Variants in CYLD observed in about 807,000 individuals in gnomAD.
The protein encoded by CYLD is CYLD lysine 63 deubiquitinase.
CYLD carries 26 observed loss-of-function variants against 104.5 expected under a neutral mutation model. The ratio of observed to expected loss-of-function variants is 0.25; its 90% CI spans 0.18 to 0.35. The LOEUF is 0.35. CYLD is among the 10% of genes least tolerant of loss of function. The probability of loss-of-function intolerance (pLI) is 1.00; values close to 1 mark genes in which losing one functional copy is unlikely to be tolerated. For missense variants in CYLD, 703 were observed against 1,136.1 expected (o/e 0.62, Z 5.48); for synonymous variants, 385 against 399.9 (o/e 0.96, Z 0.45).
intron 14 of CYLD, 93 bp downstream of exon 14, chr16:50,787,945 C>T: frequency 1.3e-6 from 1 of 774,986 alleles, no homozygotes; most frequent in Non-Finnish European, 2.2e-6. Flanking sequence ...AGAATGATTT[C>T]TTAATATTGT....
chr16:50,778,517 A>AGAT (rs750274147), intron 8 of CYLD, among the ~76,000 whole-genome samples: 7 of 152,216 alleles, frequency 4.6e-5, no homozygotes, highest in Non-Finnish European at 7.3e-5. Flanking sequence ...AATACACCAA[A>AGAT]GATGATTTTT....
chr16:50,775,480 G>T (rs1189988285), intron 6 of CYLD, among the ~76,000 whole-genome samples: 1 of 152,016 alleles, frequency 6.6e-6, no homozygotes, highest in Non-Finnish European at 1.5e-5. Flanking sequence ...ATATGTATAA[G>T]TGTTTGTATA....
In CYLD at chr16:50,751,609, A is replaced by G. The variant is rs1292033594; in HGVS notation, c.510A>G (p.Glu170=). 2 of 1,613,444 alleles carry G rather than the reference A, an allele frequency of 1.2e-6. No individual in the cohort carries two copies. Among genetic ancestry groups the G allele is most frequent in the Admixed American group, 1.7e-5 (1 of 59,982 alleles). ...GIFFGVELLE[E]GRGQGFTDGV... ...CCTTCTCTCTTAAAAACTAGGAAGA[A>G]GGTCGTGGTCAAGGTTTCACTGACG... The change falls in exon 4 of 19, where the codon GAA becomes GAG. Residue 170 remains glutamate (E), a synonymous_variant. Coordinates refer to ENST00000427738, the MANE Select transcript of CYLD (RefSeq NM_001378743.1).
Position 50,742,812 on chromosome 16 carries a change from T to G in CYLD, c.-153T>G, listed in dbSNP as rs970729904. The G allele has an allele frequency of 1.8e-5, 7 of 397,884 alleles. No individual in the cohort carries two copies. The highest frequency in any genetic ancestry group is 3.1e-5 in the Non-Finnish European group (7 of 225,856). The allele number at this position is 397,884 out of a possible 1,614,324, so 24.6% of individuals were successfully genotyped here. A position where few individuals can be genotyped will look rare whatever the true frequency, so the allele number is the denominator to read the frequency against. ...GTTCTACACAGCCACCCGGAGTTCC[T>G]TAGTTGAAAGGTGCGCCCTGCTGTG... On this transcript the variant is annotated 5_prime_UTR_variant, in exon 2 of 19. Coordinates refer to ENST00000427738, the MANE Select transcript of CYLD (RefSeq NM_001378743.1).
rs188392607 is a variant in CYLD at position 50,800,264 on chromosome 16, A to G, written c.*3756A>G. The stretch of plus-strand genomic sequence containing the variant: ...CGACTGTTCAGGAAGAGGCCTAGGA[A>G]ATCTGTGAGGGAATCCCCAGGGGAA... On this transcript the variant is annotated 3_prime_UTR_variant, in exon 19 of 19. Coordinates refer to ENST00000427738, the MANE Select transcript of CYLD (RefSeq NM_001378743.1). 27 of 233,382 alleles carry G rather than the reference A, an allele frequency of 1.2e-4. 1 individual carries two copies. The highest frequency in any genetic ancestry group is 5.7e-4 in the African/African-American group (26 of 45,488). The allele number at this position is 233,382 out of a possible 1,614,324, so 14.5% of individuals were successfully genotyped here.
intron 2 of CYLD, among the ~76,000 whole-genome samples, chr16:50,744,193 CT>C (rs879383679): frequency 2.5e-3 from 355 of 143,090 alleles, no homozygotes; most frequent in Middle Eastern, 7.4e-3. Context: ...CTCTTCTTTT[CT>C]TTTTTTTTTT....
Position 50,754,378 on chromosome 16 carries a change from G to C in CYLD, c.867G>C (p.Ala289=), listed in dbSNP as rs778051762. The C allele has an allele frequency of 5.6e-6, 9 of 1,613,344 alleles. No homozygotes were observed. Residue 289 remains alanine, a synonymous_variant, in exon 5 of 19, where the codon GCG becomes GCC. Coordinates refer to ENST00000427738, the MANE Select transcript of CYLD (RefSeq NM_001378743.1). ...RFDGVQLCSF[A]CVESTILLHI... ...ATGGAGTGCAGCTTTGTAGTTTTGC[G>C]TGTGTTGAAAGTACAATTCTATTGC...
Position 50,794,372 on chromosome 16 carries a change from A to G in CYLD, c.2630A>G (p.Lys877Arg). Residue 877 changes from lysine (K) to arginine (R), a missense_variant, in exon 18 of 19, where the codon AAG (lysine) becomes AGG (arginine). Coordinates refer to ENST00000427738, the MANE Select transcript of CYLD (RefSeq NM_001378743.1). The surrounding 1 kb of genome is among the most constrained non-coding windows in gnomAD (Gnocchi z 4.1). Reference sequence around the variant, plus strand: ...ACAAGCCACTATGTTGCTTTTGTGAAGTATGGGAAGGACGATTCTGCCTGG... The same window carrying G: ...ACAAGCCACTATGTTGCTTTTGTGAGGTATGGGAAGGACGATTCTGCCTGG... ...IETSHYVAFV[K>R]YGKDDSAWLF... is the part of the protein sequence containing the mutation. 1 of 1,614,164 alleles carries G rather than the reference A, an allele frequency of 6.2e-7. No individual in the cohort carries two copies. Among genetic ancestry groups the G allele is most frequent in the Non-Finnish European group, 8.5e-7 (1 of 1,180,030 alleles).
Position 50,798,848 on chromosome 16 carries a change from A to G in CYLD, c.*2340A>G. On this transcript the variant is annotated 3_prime_UTR_variant, in exon 19 of 19. Coordinates refer to ENST00000427738, the MANE Select transcript of CYLD (RefSeq NM_001378743.1). Reference sequence around the variant, plus strand: ...TCAGGTGGAGCTTGACGTCTTTTTAATGTTACTTGGGGAGGGAGTGCTCAT... The same window carrying G: ...TCAGGTGGAGCTTGACGTCTTTTTAGTGTTACTTGGGGAGGGAGTGCTCAT... The G allele has an allele frequency of 4.3e-6, 1 of 233,322 alleles. No individual in the cohort carries two copies. Among genetic ancestry groups the G allele is most frequent in the East Asian group, 6.0e-5 (1 of 16,714 alleles). 14.5% of individuals were successfully genotyped at this position (233,322 alleles called of 1,614,324 possible). A position where few individuals can be genotyped will look rare whatever the true frequency, so the allele number is the denominator to read the frequency against.
chr16:50,788,902 TA>T, intron 14 of CYLD, among the ~76,000 whole-genome samples: 1 of 152,196 alleles, frequency 6.6e-6, no homozygotes, highest in East Asian at 1.9e-4. Flanking sequence ...TATACAGAGC[TA>T]AAAGGGTTTT....
chr16:50,784,708 T>A (rs371662714), intron 12 of CYLD: 3 of 401,080 alleles, frequency 7.5e-6, no homozygotes, highest in East Asian at 5.5e-5. Context: ...AAACTATAAT[T>A]TAGCAATTGC....
At chr16:50,785,086 T>C (rs1350580053) in intron 12 of CYLD, 1 of 152,578 alleles carries the variant, frequency 6.6e-6, no homozygotes, top group Non-Finnish European at 1.5e-5. Context: ...ACAGGAGATA[T>C]CTAGTAAAGA....
At chr16:50,771,520 C>A (rs1969147517) in intron 5 of CYLD, among the ~76,000 whole-genome samples, 1 of 152,040 alleles carries the variant, frequency 6.6e-6, no homozygotes, top group African/African-American at 2.4e-5. Context: ...TGGGTACTCC[C>A]TAGGAGTAGA....
Position 50,742,857 on chromosome 16 carries a change from GT to G in CYLD, c.-124+21del. 1 of 128,200 alleles carries G rather than the reference GT, an allele frequency of 7.8e-6. No homozygotes were observed. Among genetic ancestry groups the G allele is most frequent in the Non-Finnish European group, 1.4e-5 (1 of 70,582 alleles). 7.9% of individuals were successfully genotyped at this position (128,200 alleles called of 1,614,324 possible). A position where few individuals can be genotyped will look rare whatever the true frequency, so the allele number is the denominator to read the frequency against. On this transcript the variant is annotated intron_variant, in intron 2 of 18. Transcript: ENST00000427738. ...GCTGTGACAGGTATTCTTTCTTTAT[GT>G]TTTTCTTTCATGTTAACAATCGAGG... is the stretch of plus-strand genomic sequence containing the variant.
intron 2 of CYLD, among the ~76,000 whole-genome samples, chr16:50,743,921 GTCTTTT>G (rs1199435749): frequency 2.0e-5 from 3 of 152,292 alleles, no homozygotes; most frequent in African/African-American, 7.2e-5. Flanking sequence ...CAATTCCTGA[GTCTTTT>G]TCTCTTCTCT....
At chr16:50,747,578 A>G (rs2150888208) in intron 2 of CYLD, among the ~76,000 whole-genome samples, 1 of 152,368 alleles carries the variant, frequency 6.6e-6, no homozygotes, top group East Asian at 1.9e-4. Context: ...TTGGTCAAAA[A>G]GAACCAACAC....
chr16:50,767,718 T>G (rs1968672801), intron 5 of CYLD, among the ~76,000 whole-genome samples: 1 of 152,140 alleles, frequency 6.6e-6, no homozygotes. Flanking sequence ...TAATTGATTG[T>G]TTTTCTCAGT....
At chr16:50,787,190 T>A (rs1050644890) in intron 13 of CYLD, 1 of 487,270 alleles carries the variant, frequency 2.1e-6, no homozygotes, top group Admixed American at 3.4e-5. Flanking sequence ...AATGCTTAAA[T>A]AAAAAGTCCT....
At chr16:50,784,754 A>T (rs1313728327) in intron 12 of CYLD, 3 of 299,036 alleles carry the variant, frequency 1.0e-5, no homozygotes, top group African/African-American at 2.2e-5. Context: ...AATACTTAGG[A>T]TTCTTATCTT....
Sources: gnomAD v4.1 joint callset for allele counts (sites outside exome capture counted in the v4.1 genomes callset) on GRCh38, gnomAD v4.1.1 for gene constraint, Gnocchi (gnomAD v3.1) non-coding constraint, MANE v1.5 for transcripts, NCBI Gene and HGNC (gene_info 2026-07-23, HGNC 2026-07-21) for gene names.